Variants in VAV2 observed in about 807,000 individuals in gnomAD.
VAV2 encodes guanine nucleotide exchange factor VAV2.
A neutral mutation model predicts 132.5 loss-of-function variants in VAV2; 67 were observed. The observed-to-expected ratio is 0.51, with a 90% CI of 0.42 to 0.62. VAV2 has a LOEUF of 0.62. Among genes scored for constraint, VAV2 ranks in the 20% least tolerant of loss-of-function variants. The probability of loss-of-function intolerance (pLI) is 0.00; values close to 1 mark genes in which losing one functional copy is unlikely to be tolerated. For missense variants in VAV2, 938 were observed against 1,153.6 expected (o/e 0.81, Z 2.71); for synonymous variants, 492 against 443.5 (o/e 1.11, Z -1.37).
At position 133,795,659 on chromosome 9, in the gene VAV2, C is replaced by T; in HGVS notation, c.1101+9G>A. On this transcript the variant is annotated intron_variant, in intron 12 of 29. Transcript: ENST00000371850. ...GTGGCTTCTCCCCTGCCTCAGTTTA[C>T]CCACACACCTGCATGGCTTCCAGTG... The T allele has an allele frequency of 1.2e-6, 2 of 1,614,056 alleles. No individual in the cohort carries two copies. Among genetic ancestry groups the T allele is most frequent in the East Asian group, 2.2e-5 (1 of 44,888 alleles).
chr9:133,915,780 G>A (rs897005618), intron 2 of VAV2, among the ~76,000 whole-genome samples: 4 of 143,066 alleles, frequency 2.8e-5, no homozygotes, highest in African/African-American at 5.4e-5. Flanking sequence ...ATGCACACAC[G>A]CACACGATGT....
chr9:133,796,369 C>T, intron 11 of VAV2, 60 bp downstream of exon 11: 1 of 1,485,990 alleles, frequency 6.7e-7, no homozygotes, highest in Admixed American at 1.9e-5. Flanking sequence ...TGGAAGCTGC[C>T]AGCCCTCATC....
At chr9:133,775,111 C>CACGCACGGAGGGCTGGG in intron 24 of VAV2, 60 bp from the exon 25 acceptor site, 2 of 1,435,938 alleles carry the variant, frequency 1.4e-6, no homozygotes, top group Non-Finnish European at 1.9e-6. Context: ...TGAGGGGTGC[C>CACGCACGGAGGGCTGGG]CAGCCCTCCG....
intron 1 of VAV2, among the ~76,000 whole-genome samples, chr9:133,955,261 A>G (rs973323366): frequency 6.6e-6 from 1 of 151,908 alleles, no homozygotes; most frequent in African/African-American, 2.4e-5. Context: ...AGGGAGCAAC[A>G]TAGTCATGCC....
At chr9:133,980,078 G>A (rs1211279680) in intron 1 of VAV2, among the ~76,000 whole-genome samples, 1 of 152,200 alleles carries the variant, frequency 6.6e-6, no homozygotes, top group Admixed American at 6.5e-5. Context: ...AGCCACCCGG[G>A]AGCAGGAGGC....
At chr9:133,910,163 C>T (rs1225258216) in intron 2 of VAV2, among the ~76,000 whole-genome samples, 1 of 152,184 alleles carries the variant, frequency 6.6e-6, no homozygotes, top group East Asian at 1.9e-4. Flanking sequence ...GGAGCTCTTG[C>T]AGCCATTGTG....
chr9:133,948,557 C>T (rs1157715116), intron 1 of VAV2, among the ~76,000 whole-genome samples: 1 of 145,332 alleles, frequency 6.9e-6, no homozygotes, highest in Admixed American at 6.6e-5. Context: ...GGAGCTCCCC[C>T]CACCAAGAGC....
chr9:133,837,301 CG>C (rs984132007), intron 3 of VAV2, among the ~76,000 whole-genome samples: 46 of 152,324 alleles, frequency 3.0e-4, no homozygotes, highest in African/African-American at 1.0e-3. Context: ...TCTGATGCCT[CG>C]TTAGGGCCTA....
At chr9:133,891,077 G>GA (rs1436141939) in intron 2 of VAV2, among the ~76,000 whole-genome samples, 2 of 151,586 alleles carry the variant, frequency 1.3e-5, no homozygotes, top group Admixed American at 6.6e-5. Context: ...AAAAGGCAAA[G>GA]AAGATTTTCT....
At chr9:133,784,957 C>T (rs746581558) in intron 17 of VAV2, among the ~76,000 whole-genome samples, 4 of 152,104 alleles carry the variant, frequency 2.6e-5, no homozygotes, top group African/African-American at 7.2e-5. Context: ...CTTCCATGAA[C>T]GCTTGAACTT....
In VAV2 at chr9:133,872,500, C is replaced by G. The variant is rs567940942; in HGVS notation, c.322-11068G>C. Among the ~76,000 whole-genome samples, 7 of 152,360 alleles carry G rather than the reference C, an allele frequency of 4.6e-5. No individual in the cohort carries two copies. The South Asian group carries it at 1.2e-3, about 27-fold the overall frequency. ...CCCAACCAGCATGTGGGGGCACAGC[C>G]TCTCCTCGGCTTGAAGGGTCGGGGT... On this transcript the variant is annotated intron_variant, in intron 2 of 29. Transcript: ENST00000371850.
chr9:133,762,155 A>G lies in VAV2; in HGVS notation c.*1907T>C, dbSNP rs1018465697. Reference sequence around the variant, plus strand: ...CCCAGCCCTCCAACCCTCCTGCCTTAGTGCAGTGCAAAAACCAAACCAAAC... The same window carrying G: ...CCCAGCCCTCCAACCCTCCTGCCTTGGTGCAGTGCAAAAACCAAACCAAAC... On this transcript the variant is annotated 3_prime_UTR_variant, in exon 30 of 30. Coordinates refer to ENST00000371850, the MANE Select transcript of VAV2 (RefSeq NM_001134398.2). This position sits in a 1 kb window ranked among gnomAD's most constrained non-coding sequence, Gnocchi z 5.0. The G allele has an allele frequency of 6.6e-5, 10 of 152,594 alleles. No individual in the cohort carries two copies. Among genetic ancestry groups the G allele is most frequent in the African/African-American group, 2.4e-4 (10 of 41,464 alleles). 9.5% of individuals were successfully genotyped at this position (152,594 alleles called of 1,614,324 possible).
chr9:133,975,030 G>C lies in VAV2; in HGVS notation c.204+17045C>G, dbSNP rs72619336. On this transcript the variant is annotated intron_variant, in intron 1 of 29. Transcript: ENST00000371850. Reference sequence around the variant, plus strand: ...GTGCGTCATGGCCCAGAGCGAGTGTGGTCCATCTCAAGGCCCTTTTTACGG... The same window carrying C: ...GTGCGTCATGGCCCAGAGCGAGTGTCGTCCATCTCAAGGCCCTTTTTACGG... Among the ~76,000 whole-genome samples, 330 of 152,334 alleles carry C rather than the reference G, an allele frequency of 2.2e-3. 2 individuals are homozygous for C. Among genetic ancestry groups the C allele is most frequent in the East Asian group, 0.021 (109 of 5,182 alleles).
Position 133,769,435 on chromosome 9 carries a change from A to T in VAV2, c.2416T>A (p.Ser806Thr), listed in dbSNP as rs1206118288. ...GCGGTACCTGACCAGAAGGGAGCGGAGGGGCCCTGAGAAGCAAAGCTGAGG... is the reference window on the plus strand; with the variant it reads ...GCGGTACCTGACCAGAAGGGAGCGGTGGGGCCCTGAGAAGCAAAGCTGAGG... Reference protein sequence around the residue: ...QGLSFASQGPSAPFWSVFTPR... With the variant: ...QGLSFASQGPTAPFWSVFTPR... The change falls in exon 28 of 30, where the codon TCC (serine) becomes ACC (threonine). Residue 806 changes from serine to threonine, a missense_variant. Coordinates refer to ENST00000371850, the MANE Select transcript of VAV2 (RefSeq NM_001134398.2). This position sits in a 1 kb window ranked among gnomAD's most constrained non-coding sequence, Gnocchi z 8.1. 3.1e-6 allele frequency: 5 copies of T among 1,612,832 alleles called. No homozygotes were observed.
At chr9:133,852,309 T>C (rs1038933402) in intron 3 of VAV2, among the ~76,000 whole-genome samples, 4 of 150,502 alleles carry the variant, frequency 2.7e-5, no homozygotes, top group Admixed American at 2.7e-4. Flanking sequence ...TGGGTAGATA[T>C]ATACGTGGAT....
chr9:133,940,598 C>A (rs1387520676), intron 1 of VAV2, among the ~76,000 whole-genome samples: 1 of 152,118 alleles, frequency 6.6e-6, no homozygotes, highest in East Asian at 1.9e-4. Flanking sequence ...TCCTCCCATC[C>A]TGGCAGGGGT....
rs112340873 is a variant in VAV2, at chr9:133,855,338, G to A, written c.380+6036C>T. On this transcript the variant is annotated intron_variant, in intron 3 of 29. Coordinates refer to ENST00000371850, the MANE Select transcript of VAV2 (RefSeq NM_001134398.2). ...TCCGGCTGAGATGTCTCACATGAGA[G>A]GTATTTGGTACCTTGTAGGTGATTT... Among the ~76,000 whole-genome samples the A allele has an allele frequency of 5.7e-3, 866 of 152,352 alleles. 10 individuals are homozygous for A. Among genetic ancestry groups the A allele is most frequent in the African/African-American group, 0.02 (817 of 41,578 alleles).
At chr9:133,956,866 G>A (rs1043525873) in intron 1 of VAV2, among the ~76,000 whole-genome samples, 1 of 152,224 alleles carries the variant, frequency 6.6e-6, no homozygotes, top group South Asian at 2.1e-4. Flanking sequence ...CTCTGTGGGG[G>A]ACAGGCCAGG....
chr9:133,791,740 T>C (rs1462741533), intron 13 of VAV2, 43 bp downstream of exon 13: 2 of 1,552,662 alleles, frequency 1.3e-6, no homozygotes, highest in Non-Finnish European at 8.9e-7. Flanking sequence ...TATAGGTACG[T>C]CCTCATCGAC....
Sources: gnomAD v4.1 joint callset for allele counts (sites outside exome capture counted in the v4.1 genomes callset) on GRCh38, gnomAD v4.1.1 for gene constraint, Gnocchi (gnomAD v3.1) non-coding constraint, MANE v1.5 for transcripts, NCBI Gene and HGNC (gene_info 2026-07-23, HGNC 2026-07-21) for gene names.